Variants in TXNRD1 observed in about 807,000 individuals in gnomAD.
TXNRD1 encodes thioredoxin reductase 1, also known as thioredoxin reductase 1, cytoplasmic.
Under a neutral mutation model 80.3 loss-of-function variants are expected in TXNRD1, and 57 were observed. The observed-to-expected ratio is 0.71, with a 90% CI of 0.57 to 0.89. The LOEUF (loss-of-function observed/expected upper bound fraction) is 0.89. Ranked by LOEUF, TXNRD1 falls within the 40% of genes least tolerant of loss-of-function variation. TXNRD1 has a pLI of 0.00. For synonymous variants in TXNRD1, 291 were observed against 285.2 expected, an observed-to-expected ratio of 1.02 and a Z score of -0.20; for missense variants, 730 against 803.0, an observed-to-expected ratio of 0.91 and a Z score of 1.10.
At chr12:104,345,069 G>C (rs2036447875) in intron 16 of TXNRD1, among the ~76,000 whole-genome samples, 1 of 152,188 alleles carries the variant, frequency 6.6e-6, no homozygotes, top group Non-Finnish European at 1.5e-5. Context: ...CAGAATGTTT[G>C]TTATTAGTCC....
chr12:104,333,230 TGTGA>T (rs1027021485), intron 14 of TXNRD1, among the ~76,000 whole-genome samples: 12 of 152,172 alleles, frequency 7.9e-5, no homozygotes, highest in African/African-American at 2.2e-4. Context: ...AGATTTCCTG[TGTGA>T]GTGTGTATAT....
chr12:104,304,020 A>G (rs770266237), intron 4 of TXNRD1: 6 of 1,612,512 alleles, frequency 3.7e-6, no homozygotes, highest in Non-Finnish European at 1.7e-6. Flanking sequence ...AAGCTCCTGG[A>G]GCTCACCGCT....
At chr12:104,221,224 C>T (rs1057349944) in intron 1 of TXNRD1, among the ~76,000 whole-genome samples, 1 of 151,946 alleles carries the variant, frequency 6.6e-6, no homozygotes, top group Admixed American at 6.6e-5. Flanking sequence ...GATCAGGCTA[C>T]TGCACTCCAG....
In TXNRD1 at chr12:104,252,668, A is replaced by C. The variant is rs1206210516; in HGVS notation, c.243+990A>C. Among the ~76,000 whole-genome samples the C allele has an allele frequency of 1.5e-3, 99 of 66,504 alleles. 1 individual carries two copies. The South Asian group carries it at 0.016, about 11-fold the overall frequency. 43.6% of individuals were successfully genotyped at this position (66,504 alleles called of 152,430 possible). A position where few individuals can be genotyped will look rare whatever the true frequency, so the allele number is the denominator to read the frequency against. ...GAGGTTAATTTATTATTTTTTATATATATATATATATATATATATATATTT... is the reference window on the plus strand; with the variant it reads ...GAGGTTAATTTATTATTTTTTATATCTATATATATATATATATATATATTT... On this transcript the variant is annotated intron_variant, in intron 2 of 16. Coordinates refer to ENST00000525566, the MANE Select transcript of TXNRD1 (RefSeq NM_001093771.3).
intron 2 of TXNRD1, among the ~76,000 whole-genome samples, chr12:104,255,511 A>T (rs887292279): frequency 6.6e-6 from 1 of 152,142 alleles, no homozygotes; most frequent in East Asian, 1.9e-4. Context: ...ATTTAAACAT[A>T]CAGTTGCCCG....
intron 14 of TXNRD1, 141 bp from the exon 15 acceptor site, chr12:104,334,096 C>T: frequency 2.5e-6 from 1 of 406,716 alleles, no homozygotes; most frequent in Non-Finnish European, 4.3e-6. Context: ...ACCTTTTGAC[C>T]AGATTCCTAT....
At chr12:104,325,225 T>C in intron 10 of TXNRD1, 112 bp from the exon 11 acceptor site, 1 of 784,964 alleles carries the variant, frequency 1.3e-6, no homozygotes, top group Non-Finnish European at 2.2e-6. Flanking sequence ...TAAAAGACTT[T>C]TCAAGCACGA....
chr12:104,302,485 C>CTTTTTTT (rs1565887593), intron 4 of TXNRD1, among the ~76,000 whole-genome samples: 1 of 31,790 alleles, frequency 3.1e-5, no homozygotes, highest in African/African-American at 1.9e-4. Flanking sequence ...GTATTCATTC[C>CTTTTTTT]CTTTTTTTTT....
intron 2 of TXNRD1, 42 bp downstream of exon 2, chr12:104,251,720 A>C: frequency 6.3e-7 from 1 of 1,596,160 alleles, no homozygotes; most frequent in Non-Finnish European, 8.5e-7. Context: ...AATTGAAGGA[A>C]TTTGACAGAC....
At position 104,215,905 on chromosome 12, in the gene TXNRD1, G is replaced by A. The variant is rs1565847662; in HGVS notation, c.91+12G>A. Reference sequence around the variant, plus strand: ...CCGCCGTAGGTCAGGTACGACCGAGGGCGAAGGCCTGGTCCCCAGGTCGAC... The same window carrying A: ...CCGCCGTAGGTCAGGTACGACCGAGAGCGAAGGCCTGGTCCCCAGGTCGAC... On this transcript the variant is annotated intron_variant, in intron 1 of 16. Transcript: ENST00000525566. 1 of 1,548,874 alleles carries A rather than the reference G, an allele frequency of 6.5e-7. No homozygotes were observed. The highest frequency in any genetic ancestry group is 8.7e-7 in the Non-Finnish European group (1 of 1,145,152).
intron 6 of TXNRD1, among the ~76,000 whole-genome samples, chr12:104,314,453 C>A (rs568372358): frequency 1.3e-5 from 2 of 152,154 alleles, no homozygotes; most frequent in Admixed American, 1.3e-4. Flanking sequence ...TAGGTATATC[C>A]CTTCTGACCT....
intron 16 of TXNRD1, among the ~76,000 whole-genome samples, chr12:104,344,273 G>T (rs1252773457): frequency 6.6e-6 from 1 of 151,988 alleles, no homozygotes; most frequent in Non-Finnish European, 1.5e-5. Context: ...GAGGGGAGAC[G>T]ATGTGGCTGG....
At chr12:104,261,136 C>G (rs1310714014) in intron 3 of TXNRD1, among the ~76,000 whole-genome samples, 1 of 151,320 alleles carries the variant, frequency 6.6e-6, no homozygotes, top group East Asian at 1.9e-4. Context: ...GGTGGTTCCC[C>G]AGTTATACTT....
At chr12:104,301,345 AT>A (rs914767063) in intron 4 of TXNRD1, among the ~76,000 whole-genome samples, 1 of 149,506 alleles carries the variant, frequency 6.7e-6, no homozygotes, top group Non-Finnish European at 1.5e-5. Context: ...CTTTTGTTGA[AT>A]TTTTTTTTTG....
Position 104,326,396 on chromosome 12 carries a change from A to G in TXNRD1, c.1358A>G (p.Glu453Gly). ...GCTTGCACAAGAAAAATTGGCTTAGAAACCGTAGGGGTGAAGATAAATGAA... is the reference window on the plus strand; with the variant it reads ...GCTTGCACAAGAAAAATTGGCTTAGGAACCGTAGGGGTGAAGATAAATGAA... The part of the protein sequence containing the change: ...RDACTRKIGL[E>G]TVGVKINEKT... Residue 453 changes from glutamate (E) to glycine (G), a missense_variant, in exon 12 of 17, where the codon GAA becomes GGA. Physicochemically the swap from Glu to Gly is moderately conservative, Grantham distance 98 (BLOSUM62 -2). Transcript: ENST00000525566. 1 of 1,595,832 alleles carries G rather than the reference A, an allele frequency of 6.3e-7. No homozygotes were observed. The highest frequency in any genetic ancestry group is 8.5e-7 in the Non-Finnish European group (1 of 1,172,280).
intron 3 of TXNRD1, among the ~76,000 whole-genome samples, chr12:104,269,452 T>C (rs1002549783): frequency 2.0e-5 from 3 of 149,986 alleles, no homozygotes; most frequent in African/African-American, 7.4e-5. Flanking sequence ...CAGGCTGTGC[T>C]GCAGTGATGT....
At chr12:104,234,455 T>C (rs1248578759) in intron 1 of TXNRD1, among the ~76,000 whole-genome samples, 1 of 151,944 alleles carries the variant, frequency 6.6e-6, no homozygotes, top group Non-Finnish European at 1.5e-5. Context: ...CCACCATGCC[T>C]GGCAAATTTT....
intron 3 of TXNRD1, chr12:104,287,528 C>G: frequency 6.3e-7 from 1 of 1,585,678 alleles, no homozygotes; most frequent in Non-Finnish European, 8.5e-7. Context: ...GAAAGTATAA[C>G]TATGTAAGAA....
intron 3 of TXNRD1, among the ~76,000 whole-genome samples, chr12:104,284,865 T>G (rs1027579013): frequency 2.0e-5 from 3 of 152,136 alleles, no homozygotes; most frequent in Non-Finnish European, 2.9e-5. Context: ...AATGTATGAT[T>G]AAAACATTTT....
Sources: allele counts gnomAD v4.1 joint callset (sites outside exome capture counted in the v4.1 genomes callset), GRCh38; gene constraint gnomAD v4.1.1; transcripts MANE v1.5; gene names NCBI Gene and HGNC (gene_info 2026-07-23, HGNC 2026-07-21).